SVOPL: variants seen among roughly 807,000 people sequenced by gnomAD.
The protein encoded by SVOPL is SVOP like.
A neutral mutation model predicts 61.0 loss-of-function variants in SVOPL; 60 were observed. The observed-to-expected ratio is 0.98, with a 90% CI of 0.80 to 1.22. The LOEUF (loss-of-function observed/expected upper bound fraction) is 1.22. Ranked by LOEUF, SVOPL falls within the 50% of genes most tolerant of loss-of-function variation. SVOPL has a pLI of 0.00. For missense variants in SVOPL, 662 were observed against 643.9 expected, an observed-to-expected ratio of 1.03 and a Z score of -0.30; for synonymous variants, 279 against 250.0, an observed-to-expected ratio of 1.12 and a Z score of -1.09.
chr7:138,678,188 CA>C (rs1302942317), intron 3 of SVOPL, among the ~76,000 whole-genome samples: 6 of 152,072 alleles, frequency 3.9e-5, no homozygotes, highest in Admixed American at 1.3e-4. Flanking sequence ...CCCCCTCCCC[CA>C]CCACTCCTGT....
intron 1 of SVOPL, chr7:138,689,019 T>C: frequency 2.9e-6 from 2 of 686,538 alleles, no homozygotes; most frequent in Non-Finnish European, 2.7e-6. Flanking sequence ...CTCCACAAAA[T>C]CATGCAAATC....
intron 4 of SVOPL, among the ~76,000 whole-genome samples, chr7:138,665,790 G>A (rs1223677487): frequency 1.3e-5 from 2 of 152,156 alleles, no homozygotes; most frequent in Admixed American, 1.3e-4. Flanking sequence ...AAAGATACAA[G>A]GATTGGCAAG....
intron 9 of SVOPL, among the ~76,000 whole-genome samples, chr7:138,637,344 C>T (rs1478288050): frequency 6.6e-6 from 1 of 151,540 alleles, no homozygotes; most frequent in African/African-American, 2.4e-5. Flanking sequence ...ATGAAAAACA[C>T]TTGAACTCAG....
In SVOPL at chr7:138,596,877, TCTAA is replaced by T. The variant is rs1028124193; in HGVS notation, c.1354-351_1354-348del. 32 of 1,092,570 alleles carry T rather than the reference TCTAA, an allele frequency of 2.9e-5. No individual in the cohort carries two copies. In the South Asian group the frequency reaches 3.5e-4, roughly 12 times the overall value. 67.7% of individuals were successfully genotyped at this position (1,092,570 alleles called of 1,614,324 possible). A position where few individuals can be genotyped will look rare whatever the true frequency, so the allele number is the denominator to read the frequency against. On this transcript the variant is annotated intron_variant, in intron 14 of 15. Coordinates refer to ENST00000674285, the MANE Select transcript of SVOPL (RefSeq NM_001139456.2). The stretch of plus-strand genomic sequence containing the variant: ...TCATACCATTTCAGCTTGCTTAACT[TCTAA>T]CTCTCACTTCATGCTATATCCTCTG...
At chr7:138,609,489 CA>C (rs35516590) in intron 14 of SVOPL, among the ~76,000 whole-genome samples, 9,767 of 48,330 alleles carry the variant, frequency 0.2, 274 homozygotes, top group South Asian at 0.3. Context: ...ACCACCTCTA[CA>C]AAAAAAAAAA....
At chr7:138,621,930 GTATCTATCTATCTATGTATC>G (rs1563095743) in intron 13 of SVOPL, among the ~76,000 whole-genome samples, 825 of 15,008 alleles carry the variant, frequency 0.055, 34 homozygotes, top group Non-Finnish European at 0.06. Flanking sequence ...ATCTATCTAT[GTATCTATCTATCTATGTATC>G]TATCTATCTA....
intron 1 of SVOPL, among the ~76,000 whole-genome samples, chr7:138,692,439 A>G (rs1802962736): frequency 2.0e-5 from 3 of 152,146 alleles, no homozygotes; most frequent in Non-Finnish European, 2.9e-5. Context: ...CCAAACACAT[A>G]TAAACGCTCC....
At chr7:138,677,614 C>A (rs993803775) in intron 3 of SVOPL, among the ~76,000 whole-genome samples, 1 of 152,068 alleles carries the variant, frequency 6.6e-6, no homozygotes, top group Non-Finnish European at 1.5e-5. Flanking sequence ...TTCTTCCAGG[C>A]CCTCCCAATC....
At chr7:138,686,722 G>A (rs1010277858) in intron 1 of SVOPL, among the ~76,000 whole-genome samples, 4 of 151,430 alleles carry the variant, frequency 2.6e-5, no homozygotes, top group Non-Finnish European at 5.9e-5. Flanking sequence ...GCACCGCCAC[G>A]CCCGGCTAAT....
rs1215838809 is a variant in SVOPL, at chr7:138,672,010, G to A, written c.273+9C>T. On this transcript the variant is annotated intron_variant, in intron 4 of 15. Coordinates refer to ENST00000674285, the MANE Select transcript of SVOPL (RefSeq NM_001139456.2). ...TGCTGTGTTCACGGCACAGGGAGCA[G>A]GTACTTACCGTGGTTACTAATGCCA... 1 of 1,551,432 alleles carries A rather than the reference G, an allele frequency of 6.4e-7. No homozygotes were observed. Among genetic ancestry groups the A allele is most frequent in the Non-Finnish European group, 8.7e-7 (1 of 1,146,758 alleles).
At chr7:138,698,009 G>T (rs1367599645) in intron 1 of SVOPL, among the ~76,000 whole-genome samples, 2 of 151,668 alleles carry the variant, frequency 1.3e-5, no homozygotes, top group Admixed American at 1.3e-4. Context: ...GAGGAAAGAG[G>T]AAAGGAGGGA....
intron 8 of SVOPL, 36 bp downstream of exon 8, chr7:138,648,976 G>T: frequency 2.5e-6 from 4 of 1,612,720 alleles, no homozygotes; most frequent in Non-Finnish European, 3.4e-6. Flanking sequence ...ACCAGCAGGA[G>T]GAGGGGACAG....
intron 13 of SVOPL, among the ~76,000 whole-genome samples, chr7:138,621,882 C>A (rs141578257): frequency 5.6e-4 from 29 of 52,130 alleles, no homozygotes; most frequent in African/African-American, 1.7e-3. Flanking sequence ...ATCTATCTAT[C>A]TATCTATCTA....
chr7:138,597,211 A>T lies in SVOPL; in HGVS notation c.1354-681T>A, dbSNP rs754408883. The T allele has an allele frequency of 6.2e-6, 8 of 1,289,508 alleles. 1 individual carries two copies. The South Asian group carries it at 9.9e-5, about 16-fold the overall frequency. The allele number at this position is 1,289,508 out of a possible 1,614,324, so 79.9% of individuals were successfully genotyped here. On this transcript the variant is annotated intron_variant, in intron 14 of 15. Transcript: ENST00000674285. ...ATAGTTCTCCATTAATCTCACAACG[A>T]CAGTAAAGTATGAAGTGGTTAACCA...
intron 15 of SVOPL, 91 bp from the exon 16 acceptor site, chr7:138,594,712 A>G (rs1282488944): frequency 3.3e-6 from 3 of 908,914 alleles, no homozygotes; most frequent in Non-Finnish European, 4.7e-6. Context: ...GTAATAGAAG[A>G]TTCTTTAATA....
At chr7:138,660,181 G>A (rs1801942634) in intron 5 of SVOPL, 193 bp from the exon 6 acceptor site, 2 of 1,355,580 alleles carry the variant, frequency 1.5e-6, no homozygotes, top group Non-Finnish European at 1.9e-6. Flanking sequence ...TGGAAGCCCA[G>A]ACCTACCAAG....
intron 4 of SVOPL, chr7:138,664,234 C>T (rs551728911): frequency 6.7e-5 from 66 of 984,990 alleles, no homozygotes; most frequent in African/African-American, 8.8e-5. Flanking sequence ...GCCTCCCTCG[C>T]GCGCCCCACC....
At chr7:138,615,461 G>A (rs1381337799) in intron 14 of SVOPL, among the ~76,000 whole-genome samples, 3 of 151,166 alleles carry the variant, frequency 2.0e-5, no homozygotes, top group Non-Finnish European at 4.4e-5. Context: ...GGAGGCTGAG[G>A]CAGGAGAATG....
intron 4 of SVOPL, 53 bp downstream of exon 4, chr7:138,671,966 G>A (rs1419369374): frequency 3.3e-6 from 5 of 1,502,068 alleles, no homozygotes; most frequent in South Asian, 1.2e-5. Flanking sequence ...ATGGAGGAAA[G>A]GGAGCCTACG....
Sources: allele counts gnomAD v4.1 joint callset (sites outside exome capture counted in the v4.1 genomes callset), GRCh38; gene constraint gnomAD v4.1.1; transcripts MANE v1.5; gene names NCBI Gene and HGNC (gene_info 2026-07-23, HGNC 2026-07-21).